Variants in MTAP observed in about 807,000 individuals in gnomAD.
MTAP encodes the protein methylthioadenosine phosphorylase.
MTAP carries 33 observed loss-of-function variants against 33.6 expected under a neutral mutation model. The observed-to-expected ratio is 0.98, with a 90% confidence interval of 0.74 to 1.31. MTAP has a LOEUF of 1.31. Among genes scored for constraint, MTAP ranks in the 40% most tolerant of loss-of-function variants. The pLI is 0.00. For missense variants in MTAP, 367 were observed against 360.0 expected (o/e 1.02, Z -0.16); for synonymous variants, 148 against 125.7 (o/e 1.18, Z -1.19).
chr9:21,880,930 C>G (rs1818001943), intron 1 of MTAP, among the ~76,000 whole-genome samples: 1 of 151,900 alleles, frequency 6.6e-6, no homozygotes, highest in East Asian at 1.9e-4. Context: ...TCCATGAAAT[C>G]TCAAAGGACC....
Position 21,864,125 on chromosome 9 carries a change from A to G in MTAP, c.*2111A>G, listed in dbSNP as rs1825809798. On this transcript the variant is annotated 3_prime_UTR_variant, in exon 8 of 8. Coordinates refer to ENST00000644715, the MANE Select transcript of MTAP (RefSeq NM_002451.4). ...TATGGGCATTTTTCTTGCTATGTTC[A>G]GAAAGTACAGTTCTCTCCAACTTGC... 6.1e-6 allele frequency: 6 copies of G among 985,460 alleles called. No homozygotes were observed. The highest frequency in any genetic ancestry group is 6.0e-6 in the Non-Finnish European group (5 of 829,944). The allele number at this position is 985,460 out of a possible 1,614,324, so 61.0% of individuals were successfully genotyped here. A position where few individuals can be genotyped will look rare whatever the true frequency, so the allele number is the denominator to read the frequency against.
chr9:21,814,166 G>A lies in MTAP; in HGVS notation c.34-1267G>A, dbSNP rs554230617. Among the ~76,000 whole-genome samples, 16 of 152,190 alleles carry A rather than the reference G, an allele frequency of 1.1e-4. 1 individual carries two copies. The highest frequency in any genetic ancestry group is 3.6e-4 in the African/African-American group (15 of 41,514). ...TCTTCAGTAAAAACCTCACTAAATT[G>A]TCCTTATTTTCTTGTTTGTTTTTTG... On this transcript the variant is annotated intron_variant, in intron 1 of 7. Transcript: ENST00000644715.
At chr9:21,915,803 G>C (rs775156252) in intron 1 of MTAP, among the ~76,000 whole-genome samples, 3 of 152,112 alleles carry the variant, frequency 2.0e-5, no homozygotes, top group Non-Finnish European at 4.4e-5. Context: ...GCCGACACAG[G>C]AGGATCACTT....
intron 1 of MTAP, among the ~76,000 whole-genome samples, chr9:21,909,538 G>A (rs530438054): frequency 1.3e-5 from 2 of 152,068 alleles, no homozygotes; most frequent in Admixed American, 6.6e-5. Flanking sequence ...GATATGTAGT[G>A]TGTTATATTT....
chr9:21,803,019 CA>C, intron 1 of MTAP: 1 of 1,110,304 alleles, frequency 9.0e-7, no homozygotes, highest in Non-Finnish European at 1.2e-6. Flanking sequence ...CACACACACA[CA>C]CACACACACA....
chr9:21,819,603 G>A (rs1483888937), intron 4 of MTAP, among the ~76,000 whole-genome samples: 2 of 152,132 alleles, frequency 1.3e-5, no homozygotes, highest in Non-Finnish European at 2.9e-5. Context: ...ATAAACATAC[G>A]TGTGCATGTG....
At chr9:21,855,421 G>A (rs1427218137) in intron 6 of MTAP, among the ~76,000 whole-genome samples, 1 of 152,166 alleles carries the variant, frequency 6.6e-6, no homozygotes, top group Non-Finnish European at 1.5e-5. Context: ...GAGGTACAAG[G>A]GTACACTAGG....
At chr9:21,833,423 G>A (rs996325171) in intron 4 of MTAP, among the ~76,000 whole-genome samples, 2 of 152,110 alleles carry the variant, frequency 1.3e-5, no homozygotes, top group Admixed American at 6.5e-5. Context: ...AAACTCAAGG[G>A]TTCCACCCAC....
intron 4 of MTAP, among the ~76,000 whole-genome samples, chr9:21,831,152 C>A (rs1288351542): frequency 6.6e-6 from 1 of 152,280 alleles, no homozygotes; most frequent in East Asian, 1.9e-4. Context: ...CTTTCACCCC[C>A]AACTACTAAC....
intron 1 of MTAP, among the ~76,000 whole-genome samples, chr9:21,883,667 G>A (rs550215550): frequency 4.0e-5 from 6 of 151,280 alleles, no homozygotes; most frequent in Admixed American, 2.7e-4. Context: ...ATTGGAGAAC[G>A]TGTGTTTGGC....
intron 1 of MTAP, among the ~76,000 whole-genome samples, chr9:21,884,572 A>G (rs1312944779): frequency 6.6e-6 from 1 of 152,220 alleles, no homozygotes; most frequent in Non-Finnish European, 1.5e-5. Flanking sequence ...GAAGTGCAAG[A>G]TAAAGTATTG....
At chr9:21,889,950 A>C (rs935996186) in intron 1 of MTAP, among the ~76,000 whole-genome samples, 3 of 152,162 alleles carry the variant, frequency 2.0e-5, no homozygotes, top group African/African-American at 7.2e-5. Flanking sequence ...CTTGCCCTAA[A>C]ATTGCCCATG....
At chr9:21,932,925 A>T (rs898925776), downstream of MTAP, 1 of 151,952 alleles carries the variant, frequency 6.6e-6, no homozygotes, top group Admixed American at 6.6e-5. Flanking sequence ...TAACTTTTTC[A>T]CTCAGTTATT....
chr9:21,822,513 G>T (rs1415737920), intron 4 of MTAP, among the ~76,000 whole-genome samples: 1 of 152,148 alleles, frequency 6.6e-6, no homozygotes, highest in African/African-American at 2.4e-5. Flanking sequence ...TATAATTTCT[G>T]TTCTTTTACA....
intron 1 of MTAP, among the ~76,000 whole-genome samples, chr9:21,876,111 T>C (rs1826004640): frequency 6.6e-6 from 1 of 152,220 alleles, no homozygotes; most frequent in Non-Finnish European, 1.5e-5. Context: ...TTTGCATTTC[T>C]CGAATGATCA....
chr9:21,918,700 C>T (rs2131029367), intron 1 of MTAP, among the ~76,000 whole-genome samples: 1 of 152,192 alleles, frequency 6.6e-6, no homozygotes, highest in Non-Finnish European at 1.5e-5. Context: ...GTGCTGTTCT[C>T]GTGATAGTGA....
At chr9:21,848,341 T>C (rs1408179854) in intron 5 of MTAP, among the ~76,000 whole-genome samples, 1 of 152,076 alleles carries the variant, frequency 6.6e-6, no homozygotes, top group Non-Finnish European at 1.5e-5. Context: ...TAAACAGAAA[T>C]CTGGAGAACA....
chr9:21,853,541 T>C (rs766603736), intron 5 of MTAP, among the ~76,000 whole-genome samples: 4 of 152,236 alleles, frequency 2.6e-5, no homozygotes, highest in Non-Finnish European at 5.9e-5. Flanking sequence ...TTTGTTTATG[T>C]GATGAACACA....
chr9:21,884,197 C>G (rs996065630), intron 1 of MTAP, among the ~76,000 whole-genome samples: 12 of 152,086 alleles, frequency 7.9e-5, no homozygotes, highest in African/African-American at 2.4e-4. Context: ...GAAAAGTGAT[C>G]AATTGCTAAT....
Sources: gnomAD v4.1 joint callset for allele counts (sites outside exome capture counted in the v4.1 genomes callset) on GRCh38, gnomAD v4.1.1 for gene constraint, MANE v1.5 for transcripts, NCBI Gene and HGNC (gene_info 2026-07-23, HGNC 2026-07-21) for gene names.